The following CTSW variants were observed in gnomAD, a reference collection of about 807,000 sequenced individuals.
CTSW encodes the protein cathepsin W, also known as lymphopain.
In CTSW, 42 loss-of-function variants were observed where a neutral mutation model predicts 43.8. The ratio of observed to expected loss-of-function variants is 0.96; its 90% CI spans 0.75 to 1.24. The LOEUF (loss-of-function observed/expected upper bound fraction) is 1.24, where lower values mean the gene tolerates loss of function less well. CTSW is among the 50% of genes most tolerant of loss of function. The pLI is 0.00. For synonymous variants in CTSW, 191 were observed against 184.8 expected (o/e 1.03, Z -0.27); for missense variants, 475 against 479.9 (o/e 0.99, Z 0.09).
intron 2 of CTSW, chr11:65,880,510 G>C (rs932715174): frequency 1.1e-5 from 4 of 369,088 alleles, no homozygotes; most frequent in Middle Eastern, 8.5e-4. Flanking sequence ...TAGTAGAGAT[G>C]GGGTTTGACC....
intron 3 of CTSW, 46 bp downstream of exon 3, chr11:65,881,566 C>A: frequency 7.4e-7 from 1 of 1,359,354 alleles, no homozygotes; most frequent in Admixed American, 2.0e-5. Flanking sequence ...GGGAAGCGAT[C>A]TCCCCAGGGA....
chr11:65,879,916 G>A lies in CTSW; in HGVS notation c.62G>A (p.Gly21Asp). 1 of 1,613,562 alleles carries A rather than the reference G, an allele frequency of 6.2e-7. No homozygotes were observed. Residue 21 changes from glycine (G) to aspartate (D), a missense_variant, in exon 1 of 10, where the codon GGC (glycine) becomes GAC (aspartate). By Grantham distance (94) the Gly-to-Asp change is moderately conservative. Transcript: ENST00000307886. ...CTGTTGGTGGCAGGCCTAGCCCAAG[G>A]CATCAGAGGCCCCCTTAGGGCCCAG... ...LALLVAGLAQ[G>D]IRGPLRAQDL...
chr11:65,882,520 G>C lies in CTSW; in HGVS notation c.532G>C (p.Val178Leu), dbSNP rs140048610. ...ISFWDFVDVSVQELLDCGRCG... is the reference protein window; with the variant it reads ...ISFWDFVDVSLQELLDCGRCG... The stretch of plus-strand genomic sequence containing the variant: ...TTTCTGGGATTTTGTGGATGTCTCC[G>C]TGCAGGGTAGGGTTGGGAGAGGGTG... The change falls in exon 5 of 10, where the codon GTG becomes CTG. Residue 178 changes from valine (V) to leucine (L), a missense_variant. Val to Leu is a conservative substitution (Grantham distance 32). Coordinates refer to ENST00000307886, the MANE Select transcript of CTSW (RefSeq NM_001335.4). 6.5e-5 allele frequency: 105 copies of C among 1,614,090 alleles called. No individual in the cohort carries two copies. Among genetic ancestry groups the C allele is most frequent in the Non-Finnish European group, 8.7e-5 (103 of 1,180,032 alleles).
rs1860152059 is a variant in CTSW, at chr11:65,883,706, TC to T, written c.*89del. The T allele has an allele frequency of 1.7e-6, 2 of 1,199,194 alleles. No individual in the cohort carries two copies. The highest frequency in any genetic ancestry group is 3.7e-5 in the Admixed American group (2 of 54,778). The allele number at this position is 1,199,194 out of a possible 1,614,324, so 74.3% of individuals were successfully genotyped here. A position where few individuals can be genotyped will look rare whatever the true frequency, so the allele number is the denominator to read the frequency against. ...CAGGTTTTTGCCCATCCTCCCAATC[TC>T]AATACAGCCTGAATAAACCAAGACA... On this transcript the variant is annotated 3_prime_UTR_variant, in exon 10 of 10. Transcript: ENST00000307886.
In CTSW at chr11:65,883,556, T is replaced by G; in HGVS notation, c.1069T>G (p.Phe357Val). Residue 357 changes from phenylalanine to valine, a missense_variant, in exon 10 of 10, where the codon TTC becomes GTC. Phe to Val is a conservative substitution (Grantham distance 50, BLOSUM62 -1). Coordinates refer to ENST00000307886, the MANE Select transcript of CTSW (RefSeq NM_001335.4). ...RGSNTCGITK[F>V]PLTARVQKPD... ...GAGCAATACCTGTGGCATCACCAAG[T>G]TCCCGCTCACTGCCCGTGTGCAGAA... 3 of 1,614,074 alleles carry G rather than the reference T, an allele frequency of 1.9e-6. No individual in the cohort carries two copies. The highest frequency in any genetic ancestry group is 1.7e-6 in the Non-Finnish European group (2 of 1,179,984).
At position 65,881,493 on chromosome 11, in the gene CTSW, G is replaced by T. The variant is rs1215480118; in HGVS notation, c.259G>T (p.Gly87Trp). The T allele has an allele frequency of 1.2e-6, 2 of 1,610,256 alleles. No individual in the cohort carries two copies. The highest frequency in any genetic ancestry group is 4.5e-5 in the East Asian group (2 of 44,706). ...GGAGGACTTGGGCACAGCTGAGTTT[G>T]GGGTGACTCCATTCAGTGACCTCAC... ...QEEDLGTAEF[G>W]VTPFSDLTEE... is the part of the protein sequence containing the mutation. The change falls in exon 3 of 10, where the codon GGG becomes TGG. Residue 87 changes from glycine to tryptophan, a missense_variant. Physicochemically the swap from Gly to Trp is radical, Grantham distance 184. Transcript: ENST00000307886.
intron 2 of CTSW, 176 bp downstream of exon 2, chr11:65,880,462 A>G (rs921694345): frequency 2.0e-6 from 1 of 495,908 alleles, no homozygotes; most frequent in Non-Finnish European, 3.7e-6. Flanking sequence ...CTGGGATTAC[A>G]GGCATGCGCC....
At position 65,883,196 on chromosome 11, in the gene CTSW, C is replaced by T. The variant is rs372102495; in HGVS notation, c.811-19C>T. 119 of 1,613,626 alleles carry T rather than the reference C, an allele frequency of 7.4e-5. No homozygotes were observed. Among genetic ancestry groups the T allele is most frequent in the Non-Finnish European group, 9.2e-5 (109 of 1,179,858 alleles). On this transcript the variant is annotated intron_variant, in intron 8 of 9. Transcript: ENST00000307886. Reference sequence around the variant, plus strand: ...AGACTTGGCCCCACACTCAGCCCCTCGGCCCCCACCCCCTGCAGCTATACC... The same window carrying T: ...AGACTTGGCCCCACACTCAGCCCCTTGGCCCCCACCCCCTGCAGCTATACC...
At chr11:65,880,324 A>AT in intron 2 of CTSW, 38 bp downstream of exon 2, 1 of 1,404,776 alleles carries the variant, frequency 7.1e-7, no homozygotes, top group Non-Finnish European at 9.5e-7. Context: ...CCAAGCCCCC[A>AT]CTTTTTTTTT....
At position 65,883,667 on chromosome 11, in the gene CTSW, G is replaced by C. The variant is rs1860151228; in HGVS notation, c.*49G>C. ...GTCCTGTTAGGCCAACTGCCTCCTT[G>C]CCAGCCCCACCCCCAGGTTTTTGCC... On this transcript the variant is annotated 3_prime_UTR_variant, in exon 10 of 10. Coordinates refer to ENST00000307886, the MANE Select transcript of CTSW (RefSeq NM_001335.4). The C allele has an allele frequency of 6.5e-7, 1 of 1,542,312 alleles. No individual in the cohort carries two copies. The highest frequency in any genetic ancestry group is 8.9e-7 in the Non-Finnish European group (1 of 1,119,936).
intron 3 of CTSW, among the ~76,000 whole-genome samples, chr11:65,881,941 G>A (rs981833250): frequency 2.0e-5 from 3 of 152,150 alleles, no homozygotes; most frequent in African/African-American, 4.8e-5. Context: ...GCACAACCAC[G>A]CCCAGCTAAT....
chr11:65,880,336 T>C (rs1320308409), intron 2 of CTSW, 50 bp downstream of exon 2: 5 of 1,490,150 alleles, frequency 3.4e-6, no homozygotes, highest in Non-Finnish European at 4.6e-6. Flanking sequence ...TTTTTTTTTT[T>C]TTGAGACGGA....
At chr11:65,881,356 C>T in intron 2 of CTSW, 51 bp from the exon 3 acceptor site, 2 of 1,350,678 alleles carry the variant, frequency 1.5e-6, no homozygotes, top group Non-Finnish European at 2.0e-6. Context: ...CGGCTACTTC[C>T]TGCCCCTAAG....
intron 3 of CTSW, 69 bp from the exon 4 acceptor site, chr11:65,882,106 G>T: frequency 2.6e-6 from 4 of 1,566,994 alleles, no homozygotes; most frequent in Non-Finnish European, 3.5e-6. Context: ...ACCAACAGCT[G>T]GAGTGGGAGA....
At position 65,882,987 on chromosome 11, in the gene CTSW, G is replaced by A. The variant is rs1219114337; in HGVS notation, c.746-82G>A. 7.4e-6 allele frequency: 12 copies of A among 1,612,580 alleles called. No homozygotes were observed. In the Admixed American group the frequency reaches 1.7e-4, roughly 22 times the overall value. The stretch of plus-strand genomic sequence containing the variant: ...GACACGCTGGGCTACTGGGCTAGAA[G>A]ACAAGAGGGGGTGGGGGGAGCGAAG... On this transcript the variant is annotated intron_variant, in intron 7 of 9. Coordinates refer to ENST00000307886, the MANE Select transcript of CTSW (RefSeq NM_001335.4).
At position 65,882,751 on chromosome 11, in the gene CTSW, C is replaced by A. The variant is rs781627115; in HGVS notation, c.620-28C>A. On this transcript the variant is annotated intron_variant, in intron 6 of 9. Transcript: ENST00000307886. ...GGGGACAGGGTGGGCAGGAGCGGAACCTCCTCCCTTGTCTTGCTTATCTGC... is the reference window on the plus strand; with the variant it reads ...GGGGACAGGGTGGGCAGGAGCGGAAACTCCTCCCTTGTCTTGCTTATCTGC... 8.7e-6 allele frequency: 14 copies of A among 1,614,068 alleles called. No individual in the cohort carries two copies. In the South Asian group the frequency reaches 1.5e-4, roughly 18 times the overall value.
chr11:65,883,446 AG>A, intron 9 of CTSW, 22 bp downstream of exon 9: 1 of 1,613,502 alleles, frequency 6.2e-7, no homozygotes, highest in South Asian at 1.1e-5. Context: ...CTATTGGGGG[AG>A]GGGGCAAGGC....
intron 1 of CTSW, 26 bp downstream of exon 1, chr11:65,879,967 T>C (rs1860085353): frequency 1.3e-6 from 2 of 1,583,626 alleles, no homozygotes; most frequent in East Asian, 2.3e-5. Context: ...CCCTTACCTA[T>C]GCCAGTCCCA....
chr11:65,880,240 C>T lies in CTSW; in HGVS notation c.126C>T (p.Phe42=). ...GPQPLELKEA[F]KLFQIQFNRS... is the part of the protein sequence containing the mutation. Reference sequence around the variant, plus strand: ...AGCCGCTAGAGCTGAAAGAGGCCTTCAAGTTGTTCCAGATCCAGTTCAACC... The same window carrying T: ...AGCCGCTAGAGCTGAAAGAGGCCTTTAAGTTGTTCCAGATCCAGTTCAACC... The change falls in exon 2 of 10, where the codon TTC becomes TTT. Residue 42 remains phenylalanine (F), a synonymous_variant. Coordinates refer to ENST00000307886, the MANE Select transcript of CTSW (RefSeq NM_001335.4). 6.2e-7 allele frequency: 1 copy of T among 1,614,136 alleles called. No individual in the cohort carries two copies. The highest frequency in any genetic ancestry group is 1.1e-5 in the South Asian group (1 of 91,082).
Sources: allele counts gnomAD v4.1 joint callset (sites outside exome capture counted in the v4.1 genomes callset), GRCh38; gene constraint gnomAD v4.1.1; transcripts MANE v1.5; gene names NCBI Gene and HGNC (gene_info 2026-07-23, HGNC 2026-07-21).